The following BLNK variants were observed in gnomAD, a reference collection of about 807,000 sequenced individuals.
BLNK encodes the protein B cell linker.
Under a neutral mutation model 73.5 loss-of-function variants are expected in BLNK, and 29 were observed. That is an observed-to-expected ratio of 0.39 (90% CI 0.29 to 0.54). BLNK has a LOEUF of 0.54. Ranked by LOEUF, BLNK falls within the 20% of genes least tolerant of loss-of-function variation. The pLI, the probability that BLNK is intolerant of heterozygous loss-of-function variation, is 0.61. For missense variants in BLNK, 460 were observed against 562.8 expected (o/e 0.82, Z 1.85); for synonymous variants, 176 against 200.8 (o/e 0.88, Z 1.04).
rs1554895977 is a variant in BLNK, at chr10:96,200,988, T to A, written c.1005A>T (p.Ser335=). ...TCAAGAGTTCATTTCATACCTGTTCTGAAATAGTGGAATTAGATGAAAAGC... is the reference window on the plus strand; with the variant it reads ...TCAAGAGTTCATTTCATACCTGTTCAGAAATAGTGGAATTAGATGAAAAGC... The part of the protein sequence containing the change: ...LPSFSSNSTI[S]EQEAGVLCKP... The change falls in exon 14 of 17, where the codon TCA becomes TCT. Residue 335 remains serine, a synonymous_variant. Transcript: ENST00000224337. This position sits in a 1 kb window ranked among gnomAD's most constrained non-coding sequence, Gnocchi z 4.3. 6.2e-7 allele frequency: 1 copy of A among 1,613,968 alleles called. No individual in the cohort carries two copies. The highest frequency in any genetic ancestry group is 8.5e-7 in the Non-Finnish European group (1 of 1,179,806).
intron 5 of BLNK, among the ~76,000 whole-genome samples, chr10:96,224,228 A>G (rs1288459213): frequency 6.6e-6 from 1 of 152,216 alleles, no homozygotes; most frequent in African/African-American, 2.4e-5. Context: ...CGGGGCAGTG[A>G]TGGACACCCA....
rs736069 is a variant in BLNK, at chr10:96,209,037, G to A, written c.746+801C>T. On this transcript the variant is annotated intron_variant, in intron 9 of 16. Coordinates refer to ENST00000224337, the MANE Select transcript of BLNK (RefSeq NM_013314.4). ...ACCTGTTGAGCCAACATAATTTTAC[G>A]GGGTGACGTTTGTAATATTAACACA... Among the ~76,000 whole-genome samples the A allele has an allele frequency of 3.6e-3, 543 of 152,234 alleles. 14 individuals are homozygous for A. Among genetic ancestry groups the A allele is most frequent in the Admixed American group, 0.032 (495 of 15,290 alleles).
Position 96,189,909 on chromosome 10 carries a change from C to T in BLNK, c.*2064G>A. ...CCACTAATATGCACTGGCCCTGAAC[C>T]ACACTTCAACCATAAAAGCACTGGT... On this transcript the variant is annotated 3_prime_UTR_variant, in exon 17 of 17. Transcript: ENST00000224337. 1.0e-6 allele frequency: 1 copy of T among 1,004,722 alleles called. No homozygotes were observed. Among genetic ancestry groups the T allele is most frequent in the South Asian group, 1.3e-5 (1 of 79,438 alleles). 62.2% of individuals were successfully genotyped at this position (1,004,722 alleles called of 1,614,324 possible).
chr10:96,235,704 G>A (rs1164112017), intron 3 of BLNK, among the ~76,000 whole-genome samples: 10 of 152,162 alleles, frequency 6.6e-5, no homozygotes, highest in African/African-American at 1.2e-4. Context: ...AGGTGGGGCC[G>A]AATGGGGCCT....
intron 4 of BLNK, among the ~76,000 whole-genome samples, chr10:96,228,860 C>G (rs868949021): frequency 6.6e-6 from 1 of 152,106 alleles, no homozygotes; most frequent in Non-Finnish European, 1.5e-5. Flanking sequence ...CTGTACATGA[C>G]TTTCCACTTG....
At chr10:96,204,181 A>C in intron 12 of BLNK, 93 bp from the exon 13 acceptor site, 1 of 1,341,436 alleles carries the variant, frequency 7.5e-7, no homozygotes, top group East Asian at 2.3e-5. Flanking sequence ...GAACAGGCAC[A>C]TCACAAATAA....
At chr10:96,267,436 T>C (rs1045698172) in intron 1 of BLNK, among the ~76,000 whole-genome samples, 12 of 152,082 alleles carry the variant, frequency 7.9e-5, no homozygotes, top group African/African-American at 2.2e-4. Context: ...ACAGGGAGGA[T>C]CTGAGAGACA....
Position 96,189,652 on chromosome 10 carries a change from G to T in BLNK, c.*2321C>A. 1 of 716,050 alleles carries T rather than the reference G, an allele frequency of 1.4e-6. No individual in the cohort carries two copies. Among genetic ancestry groups the T allele is most frequent in the Non-Finnish European group, 2.6e-6 (1 of 386,400 alleles). 44.4% of individuals were successfully genotyped at this position (716,050 alleles called of 1,614,324 possible). On this transcript the variant is annotated 3_prime_UTR_variant, in exon 17 of 17. Transcript: ENST00000224337. ...TTTTGTGCATTTTTGGCTGGAGTAT[G>T]TAGATTTCTTCAATGGTGCTTTTTC...
intron 11 of BLNK, among the ~76,000 whole-genome samples, chr10:96,206,187 A>G (rs1554897372): frequency 2.0e-5 from 3 of 152,204 alleles, no homozygotes; most frequent in Admixed American, 6.5e-5. Flanking sequence ...AGAGTGCTTT[A>G]TGTAGATATA....
intron 5 of BLNK, among the ~76,000 whole-genome samples, chr10:96,226,732 T>TCGGGAGGCTGAGG (rs1842279833): frequency 6.6e-6 from 1 of 151,918 alleles, no homozygotes; most frequent in Non-Finnish European, 1.5e-5. Context: ...ACCCAGCTAC[T>TCGGGAGGCTGAGG]CGGGAGGCTG....
rs375666142 is a variant in BLNK at position 96,216,885 on chromosome 10, G to A, written c.526-151C>T. On this transcript the variant is annotated intron_variant, in intron 6 of 16. Coordinates refer to ENST00000224337, the MANE Select transcript of BLNK (RefSeq NM_013314.4). ...AAATTGTACAATTTGGTGACTTTTA[G>A]TATATTCACAGACATATACAACCAT... The A allele has an allele frequency of 4.1e-6, 3 of 735,126 alleles. No homozygotes were observed. The Admixed American group carries it at 6.2e-5, about 15-fold the overall frequency. The allele number at this position is 735,126 out of a possible 1,614,324, so 45.5% of individuals were successfully genotyped here. A position where few individuals can be genotyped will look rare whatever the true frequency, so the allele number is the denominator to read the frequency against.
At chr10:96,199,881 G>A (rs2083583634) in intron 15 of BLNK, 194 bp downstream of exon 15, 2 of 303,058 alleles carry the variant, frequency 6.6e-6, no homozygotes, top group South Asian at 1.4e-4. Flanking sequence ...AAAATTAGCC[G>A]GGCTTGGGGG....
At chr10:96,255,909 A>T (rs573938386) in intron 1 of BLNK, among the ~76,000 whole-genome samples, 1 of 152,338 alleles carries the variant, frequency 6.6e-6, no homozygotes, top group South Asian at 2.1e-4. Context: ...CTACTGAATC[A>T]AGCCTGAGCT....
Position 96,242,738 on chromosome 10 carries a change from A to AATTC in BLNK, c.159_160insGAAT (p.Ser54GlufsTer7). On this transcript the variant is annotated frameshift_variant, in exon 3 of 17. Transcript: ENST00000224337. LOFTEE classifies it high-confidence loss of function. ...AAGTATCTGAGAAATACCTTACCTG[A>AATTC]AGCGTAGTCCCTTCGAGGAACACTT... The AATTC allele has an allele frequency of 6.2e-7, 1 of 1,613,852 alleles. No individual in the cohort carries two copies. The highest frequency in any genetic ancestry group is 8.5e-7 in the Non-Finnish European group (1 of 1,179,690).
chr10:96,255,736 T>C (rs1843480031), intron 1 of BLNK, among the ~76,000 whole-genome samples: 1 of 152,234 alleles, frequency 6.6e-6, no homozygotes, highest in South Asian at 2.1e-4. Context: ...AGCCAAGATC[T>C]AAGCCTACAC....
At chr10:96,196,289 C>T (rs1449982791) in intron 16 of BLNK, among the ~76,000 whole-genome samples, 1 of 152,182 alleles carries the variant, frequency 6.6e-6, no homozygotes, top group Non-Finnish European at 1.5e-5. Context: ...TCATGGGTTA[C>T]TCCAGCTCAT....
chr10:96,217,017 C>A (rs1033354448), intron 6 of BLNK, among the ~76,000 whole-genome samples: 1 of 152,174 alleles, frequency 6.6e-6, no homozygotes, highest in Non-Finnish European at 1.5e-5. Context: ...AATCTACTTT[C>A]TTTCTCTATA....
At chr10:96,216,446 G>A in intron 7 of BLNK, 1 of 600,428 alleles carries the variant, frequency 1.7e-6, no homozygotes. Context: ...AAGAGGAAGG[G>A]GAAGGCAGGG....
chr10:96,216,396 A>C (rs2084066108), intron 7 of BLNK: 1 of 530,496 alleles, frequency 1.9e-6, no homozygotes, highest in Non-Finnish European at 3.4e-6. Flanking sequence ...AGAACTACCC[A>C]GGTGCTTTCA....
Sources: gnomAD v4.1 joint callset for allele counts (sites outside exome capture counted in the v4.1 genomes callset) on GRCh38, gnomAD v4.1.1 for gene constraint, Gnocchi (gnomAD v3.1) non-coding constraint, MANE v1.5 for transcripts, NCBI Gene and HGNC (gene_info 2026-07-23, HGNC 2026-07-21) for gene names.